Variants in FRMD4A observed in about 807,000 individuals in gnomAD.
The protein encoded by FRMD4A is FERM domain containing 4A, also known as FERM domain-containing protein 4A.
FRMD4A carries 29 observed loss-of-function variants against 129.1 expected under a neutral mutation model. The ratio of observed to expected loss-of-function variants is 0.22; its 90% confidence interval spans 0.17 to 0.31. The LOEUF is 0.31. FRMD4A is among the 10% of genes least tolerant of loss of function. The probability of loss-of-function intolerance (pLI) is 1.00; values close to 1 mark genes in which losing one functional copy is unlikely to be tolerated. For missense variants in FRMD4A, 1,272 were observed against 1,375.8 expected, an observed-to-expected ratio of 0.92 and a Z score of 1.19; for synonymous variants, 634 against 571.6, an observed-to-expected ratio of 1.11 and a Z score of -1.56.
intron 2 of FRMD4A, among the ~76,000 whole-genome samples, chr10:13,989,035 T>C (rs1332738470): frequency 6.6e-6 from 1 of 152,168 alleles, no homozygotes; most frequent in Non-Finnish European, 1.5e-5. Context: ...CAGTAACTTT[T>C]TTTTTTTGTC....
At chr10:13,791,402 G>GGTGTGTGTGT (rs3032915) in intron 5 of FRMD4A, among the ~76,000 whole-genome samples, 16 of 149,922 alleles carry the variant, frequency 1.1e-4, no homozygotes, top group Non-Finnish European at 1.9e-4. Flanking sequence ...AGAAATAAAA[G>GGTGTGTGTGT]GTGTGTGTGT....
chr10:14,161,505 C>G (rs1363053822), intron 2 of FRMD4A, among the ~76,000 whole-genome samples: 3 of 152,118 alleles, frequency 2.0e-5, no homozygotes, highest in African/African-American at 7.2e-5. Flanking sequence ...AGAATGAAAT[C>G]CTGCCATTTG....
At chr10:13,833,830 T>C (rs1247092459) in intron 3 of FRMD4A, among the ~76,000 whole-genome samples, 2 of 152,152 alleles carry the variant, frequency 1.3e-5, no homozygotes, top group Non-Finnish European at 2.9e-5. Flanking sequence ...CACCCGGCTA[T>C]GACATAGTGG....
intron 3 of FRMD4A, among the ~76,000 whole-genome samples, chr10:13,827,743 G>A (rs2093724173): frequency 6.6e-6 from 1 of 152,188 alleles, no homozygotes; most frequent in African/African-American, 2.4e-5. Context: ...AGTCTGCCAG[G>A]AAGCAAGGAA....
intron 2 of FRMD4A, among the ~76,000 whole-genome samples, chr10:14,172,190 G>A (rs555329200): frequency 6.6e-6 from 1 of 152,284 alleles, no homozygotes; most frequent in East Asian, 1.9e-4. Flanking sequence ...ATTCACAGAA[G>A]CAATTTAAAC....
chr10:14,248,837 G>A (rs182060005), intron 2 of FRMD4A, among the ~76,000 whole-genome samples: 1 of 152,318 alleles, frequency 6.6e-6, no homozygotes, highest in African/African-American at 2.4e-5. Flanking sequence ...ACTGATGGAA[G>A]TCCTTTCAGG....
chr10:14,323,337 T>G (rs1328124590), intron 2 of FRMD4A, among the ~76,000 whole-genome samples: 7 of 152,254 alleles, frequency 4.6e-5, no homozygotes, highest in Non-Finnish European at 1.0e-4. Context: ...GAACTTTACA[T>G]GCATATCTGG....
chr10:14,260,714 C>A (rs183766470), intron 2 of FRMD4A, among the ~76,000 whole-genome samples: 14 of 152,234 alleles, frequency 9.2e-5, no homozygotes, highest in African/African-American at 2.6e-4. Context: ...AGAACCTTTG[C>A]CTTTGTTCTT....
chr10:13,894,881 T>G (rs974643309), intron 2 of FRMD4A, among the ~76,000 whole-genome samples: 16 of 152,354 alleles, frequency 1.1e-4, no homozygotes, highest in Admixed American at 3.3e-4. Context: ...TGCCTGGGCT[T>G]GAATCTTGCC....
Position 13,656,758 on chromosome 10 carries a change from C to CA in FRMD4A, c.2830_2831insT (p.Arg944LeufsTer56). The CA allele has an allele frequency of 6.3e-7, 1 of 1,598,306 alleles. No homozygotes were observed. Among genetic ancestry groups the CA allele is most frequent in the Non-Finnish European group, 8.5e-7 (1 of 1,173,518 alleles). On this transcript the variant is annotated frameshift_variant, in exon 22 of 25. Coordinates refer to ENST00000357447, the MANE Select transcript of FRMD4A (RefSeq NM_018027.5). LOFTEE classifies it high-confidence loss of function. ...GGAGGTGGAGCTGGTGTGCGACAGG[C>CA]GGCTGTGCTCCTTGTGCGAGGCGGT...
At chr10:13,997,088 C>T (rs2094687361) in intron 2 of FRMD4A, among the ~76,000 whole-genome samples, 2 of 152,096 alleles carry the variant, frequency 1.3e-5, no homozygotes, top group African/African-American at 2.4e-5. Flanking sequence ...AGAGTGCTGG[C>T]TTTTGACATA....
intron 2 of FRMD4A, among the ~76,000 whole-genome samples, chr10:14,098,423 A>G (rs1170574475): frequency 6.7e-6 from 1 of 149,648 alleles, no homozygotes; most frequent in African/African-American, 2.5e-5. Flanking sequence ...TTTTTTTTTG[A>G]AACAGAGTCT....
intron 2 of FRMD4A, among the ~76,000 whole-genome samples, chr10:14,036,551 A>G (rs995366074): frequency 6.6e-5 from 10 of 152,104 alleles, no homozygotes; most frequent in South Asian, 2.1e-4. Context: ...GGGTGATGCT[A>G]CCCACTTCCT....
At chr10:14,126,476 C>T (rs908995432) in intron 2 of FRMD4A, among the ~76,000 whole-genome samples, 5 of 152,046 alleles carry the variant, frequency 3.3e-5, no homozygotes, top group Admixed American at 6.6e-5. Context: ...GCCTGCCTTG[C>T]CCACTTTTAC....
chr10:13,986,679 T>C (rs1385892701), intron 2 of FRMD4A, among the ~76,000 whole-genome samples: 1 of 134,502 alleles, frequency 7.4e-6, no homozygotes, highest in Admixed American at 7.7e-5. Flanking sequence ...ATAAATAAAA[T>C]AAATATAAGG....
chr10:14,262,362 A>T (rs538440371), intron 2 of FRMD4A, among the ~76,000 whole-genome samples: 1 of 152,174 alleles, frequency 6.6e-6, no homozygotes, highest in African/African-American at 2.4e-5. Flanking sequence ...TGCCAACTTC[A>T]TGAGGTTATT....
intron 2 of FRMD4A, among the ~76,000 whole-genome samples, chr10:14,235,620 G>T (rs7893981): frequency 0.63 from 96,412 of 152,048 alleles, 31,485 homozygotes; most frequent in South Asian, 0.74. Context: ...TGTTAACACG[G>T]GTATAACAGA....
chr10:13,682,218 C>T (rs1341297098), intron 15 of FRMD4A, among the ~76,000 whole-genome samples: 2 of 151,922 alleles, frequency 1.3e-5, no homozygotes, highest in East Asian at 1.9e-4. Flanking sequence ...AGCAAGACCC[C>T]GTCTGAAACC....
rs373657300 is a variant in FRMD4A, at chr10:13,858,823, G to A, written c.111+24C>T. The A allele has an allele frequency of 4.5e-5, 65 of 1,443,354 alleles. No homozygotes were observed. The South Asian group carries it at 7.3e-4, about 16-fold the overall frequency. The allele number at this position is 1,443,354 out of a possible 1,614,324, so 89.4% of individuals were successfully genotyped here. On this transcript the variant is annotated intron_variant, in intron 3 of 24. Transcript: ENST00000357447. ...CCACATCAGTCACCAAAGAAACTCA[G>A]AAAGTTGACCAAAAGCGATTTACCT...
Sources: allele counts gnomAD v4.1 joint callset (sites outside exome capture counted in the v4.1 genomes callset), GRCh38; gene constraint gnomAD v4.1.1; transcripts MANE v1.5; gene names NCBI Gene and HGNC (gene_info 2026-07-23, HGNC 2026-07-21).